LAMA2: variants seen among roughly 807,000 people sequenced by gnomAD.
The protein encoded by LAMA2 is laminin subunit alpha 2.
In LAMA2, 269 loss-of-function variants were observed where a neutral mutation model predicts 364.8. The ratio of observed to expected loss-of-function variants is 0.74; its 90% CI spans 0.67 to 0.82. LAMA2 has a LOEUF of 0.82. Among genes scored for constraint, LAMA2 ranks in the 40% least tolerant of loss-of-function variants. The probability of loss-of-function intolerance (pLI) is 0.00; values close to 1 mark genes in which losing one functional copy is unlikely to be tolerated. For synonymous variants in LAMA2, 1,379 were observed against 1,370.6 expected (o/e 1.01, Z -0.14); for missense variants, 3,807 against 3,873.2 (o/e 0.98, Z 0.45).
At chr6:129,450,184 A>C (rs1782604438) in intron 45 of LAMA2, among the ~76,000 whole-genome samples, 1 of 151,700 alleles carries the variant, frequency 6.6e-6, no homozygotes, top group African/African-American at 2.4e-5. Context: ...AGGCTTACCT[A>C]AGCAATGACT....
intron 20 of LAMA2, among the ~76,000 whole-genome samples, chr6:129,296,128 T>A (rs1254729113): frequency 1.3e-5 from 2 of 151,982 alleles, no homozygotes; most frequent in Non-Finnish European, 2.9e-5. Flanking sequence ...TATTTCATAA[T>A]GTGGATGTCA....
intron 53 of LAMA2, among the ~76,000 whole-genome samples, chr6:129,477,369 A>G (rs146233561): frequency 1.8e-3 from 276 of 152,344 alleles, no homozygotes; most frequent in Middle Eastern, 0.01. Flanking sequence ...TTAAAGAAGT[A>G]TCATCATCAC....
chr6:129,132,651 G>A (rs1777561507), intron 4 of LAMA2, among the ~76,000 whole-genome samples: 1 of 152,134 alleles, frequency 6.6e-6, no homozygotes, highest in South Asian at 2.1e-4. Context: ...TGTCCAGGTT[G>A]GTAACAGGTA....
intron 3 of LAMA2, among the ~76,000 whole-genome samples, chr6:129,061,863 G>A (rs1161237842): frequency 6.6e-6 from 1 of 152,184 alleles, no homozygotes; most frequent in Non-Finnish European, 1.5e-5. Context: ...TTCCAGGATG[G>A]TGTCCATCCA....
intron 4 of LAMA2, among the ~76,000 whole-genome samples, chr6:129,135,516 T>C (rs895481782): frequency 6.6e-6 from 1 of 152,240 alleles, no homozygotes; most frequent in African/African-American, 2.4e-5. Context: ...TCCAGTAAGT[T>C]TGCAAGAATA....
intron 29 of LAMA2, 42 bp downstream of exon 29, chr6:129,328,454 T>C: frequency 6.2e-7 from 1 of 1,613,838 alleles, no homozygotes; most frequent in Non-Finnish European, 8.5e-7. Flanking sequence ...CATGTGCTCA[T>C]TCCTCTTTAC....
At position 129,210,401 on chromosome 6, in the gene LAMA2, C is replaced by T. The variant is rs563638257; in HGVS notation, c.1782+17548C>T. Reference sequence around the variant, plus strand: ...TTAGAAACCGAACCACGCATGTGCACGCACACACACACACACACACCACAC... The same window carrying T: ...TTAGAAACCGAACCACGCATGTGCATGCACACACACACACACACACCACAC... On this transcript the variant is annotated intron_variant, in intron 12 of 64. Coordinates refer to ENST00000421865, the MANE Select transcript of LAMA2 (RefSeq NM_000426.4). Among the ~76,000 whole-genome samples the T allele has an allele frequency of 8.2e-5, 10 of 122,116 alleles. No individual in the cohort carries two copies. In the East Asian group the frequency reaches 1.8e-3, roughly 22 times the overall value. The allele number at this position is 122,116 out of a possible 152,430, so 80.1% of individuals were successfully genotyped here. A position where few individuals can be genotyped will look rare whatever the true frequency, so the allele number is the denominator to read the frequency against.
At chr6:128,997,357 C>CGAAA (rs57180629) in intron 1 of LAMA2, among the ~76,000 whole-genome samples, 137,839 of 143,544 alleles carry the variant, frequency 0.96, 66,244 homozygotes, top group East Asian at 1. Context: ...AAAGAAAGAA[C>CGAAA]GAAAGAAAGA....
At chr6:129,362,863 G>A (rs1379201856) in intron 32 of LAMA2, among the ~76,000 whole-genome samples, 1 of 152,134 alleles carries the variant, frequency 6.6e-6, no homozygotes, top group Non-Finnish European at 1.5e-5. Flanking sequence ...CTAGGAACCA[G>A]GTGGGAGAAG....
At chr6:129,495,705 A>C (rs751346000) in intron 58 of LAMA2, among the ~76,000 whole-genome samples, 1 of 152,096 alleles carries the variant, frequency 6.6e-6, no homozygotes, top group Non-Finnish European at 1.5e-5. Context: ...GTACTTACAC[A>C]AACTGCATTT....
intron 1 of LAMA2, among the ~76,000 whole-genome samples, chr6:128,982,743 C>G (rs1419221166): frequency 7.0e-6 from 1 of 143,344 alleles, no homozygotes; most frequent in Non-Finnish European, 1.5e-5. Flanking sequence ...TCTCCTAATG[C>G]TATCCCTCCC....
In LAMA2 at chr6:129,421,644, C is replaced by T. The variant is rs1183378355; in HGVS notation, c.5866-6108C>T. On this transcript the variant is annotated intron_variant, in intron 40 of 64. Coordinates refer to ENST00000421865, the MANE Select transcript of LAMA2 (RefSeq NM_000426.4). ...AGTGAGTTGAAACGGTGCTTTTCAC[C>T]CATAACATGTTAGTGTTTTCCATTC... 1.3e-5 allele frequency among the ~76,000 whole-genome samples: 2 copies of T among 152,066 alleles called. 1 individual carries two copies. Among genetic ancestry groups the T allele is most frequent in the African/African-American group, 4.8e-5 (2 of 41,388 alleles).
chr6:129,023,681 C>T (rs1013737769), intron 1 of LAMA2, among the ~76,000 whole-genome samples: 3 of 152,112 alleles, frequency 2.0e-5, no homozygotes, highest in African/African-American at 7.2e-5. Context: ...AATGTTAGTA[C>T]CTTTCCGCCA....
At chr6:129,412,971 A>G (rs1322181911) in intron 40 of LAMA2, among the ~76,000 whole-genome samples, 1 of 152,236 alleles carries the variant, frequency 6.6e-6, no homozygotes, top group Non-Finnish European at 1.5e-5. Flanking sequence ...TGTCTTCATA[A>G]TAAATGCAAA....
intron 39 of LAMA2, 110 bp from the exon 40 acceptor site, chr6:129,403,711 T>C: frequency 3.1e-6 from 3 of 969,616 alleles, no homozygotes; most frequent in Admixed American, 1.7e-5. Context: ...GGAATTGTCA[T>C]AGATATATTG....
chr6:129,335,356 GTAGA>G (rs35228622), intron 29 of LAMA2, among the ~76,000 whole-genome samples: 28,153 of 148,330 alleles, frequency 0.19, 3,032 homozygotes, highest in East Asian at 0.26. Flanking sequence ...TAGTAAGTAG[GTAGA>G]TAGATAGATA....
chr6:129,170,857 C>T lies in LAMA2; in HGVS notation c.1306+5182C>T, dbSNP rs867829365. On this transcript the variant is annotated intron_variant, in intron 9 of 64. Transcript: ENST00000421865. ...GACTTGCTTTATGAATCTGGGTGCT[C>T]CTGTATTGGGTGCATATATATTTAG... Among the ~76,000 whole-genome samples, 1,345 of 148,512 alleles carry T rather than the reference C, an allele frequency of 9.1e-3. 21 individuals carry two copies. Among genetic ancestry groups the T allele is most frequent in the African/African-American group, 0.032 (1,273 of 39,934 alleles).
intron 37 of LAMA2, among the ~76,000 whole-genome samples, chr6:129,400,366 CA>C (rs1779901370): frequency 6.6e-6 from 1 of 152,122 alleles, no homozygotes. Context: ...AAAAAGTGAT[CA>C]ACATGGGATC....
chr6:129,410,037 C>T (rs1374955316), intron 40 of LAMA2, among the ~76,000 whole-genome samples: 2 of 152,176 alleles, frequency 1.3e-5, no homozygotes, highest in African/African-American at 4.8e-5. Flanking sequence ...ATATGAGGCC[C>T]TCCTCTGCCC....
Sources: allele counts gnomAD v4.1 joint callset (sites outside exome capture counted in the v4.1 genomes callset), GRCh38; gene constraint gnomAD v4.1.1; transcripts MANE v1.5; gene names NCBI Gene and HGNC (gene_info 2026-07-23, HGNC 2026-07-21).